PIWIL1: variants seen among roughly 807,000 people sequenced by gnomAD.
PIWIL1 encodes the protein piwi like RNA-mediated gene silencing 1, also known as piwi-like protein 1.
PIWIL1 carries 73 observed loss-of-function variants against 114.4 expected under a neutral mutation model. That is an observed-to-expected ratio of 0.64 (90% CI 0.53 to 0.78). The LOEUF is 0.78. PIWIL1 is among the 30% of genes least tolerant of loss of function. The pLI, the probability that PIWIL1 is intolerant of heterozygous loss-of-function variation, is 0.00. For synonymous variants in PIWIL1, 375 were observed against 369.0 expected, an observed-to-expected ratio of 1.02 and a Z score of -0.19; for missense variants, 723 against 1,063.1, an observed-to-expected ratio of 0.68 and a Z score of 4.45.
rs561331660 is a variant in PIWIL1, at chr12:130,363,763, G to A, written c.2195+619G>A. ...CTCCTGAGTAGCTGGGATTACAGGC[G>A]TGCACCACCACACCTGGCTAATTTA... On this transcript the variant is annotated intron_variant, in intron 18 of 20. Transcript: ENST00000245255. 4.6e-5 allele frequency among the ~76,000 whole-genome samples: 7 copies of A among 151,798 alleles called. No homozygotes were observed. In the East Asian group the frequency reaches 5.8e-4, roughly 13 times the overall value.
the PIWIL1 span, chr12:130,424,623 C>T: frequency 1.6e-6 from 2 of 1,231,928 alleles, no homozygotes; most frequent in Non-Finnish European, 2.0e-6. The surrounding 1 kb of genome is among the most constrained non-coding windows in gnomAD (Gnocchi z 9.8). Flanking sequence ...CACCGGGAAC[C>T]AGGAGCCCCG....
In PIWIL1 at chr12:130,342,623, G is replaced by A; in HGVS notation, c.32G>A (p.Gly11Glu). Residue 11 changes from glycine to glutamate, a missense_variant, in exon 2 of 21, where the codon GGA (glycine) becomes GAA (glutamate). Physicochemically the swap from Gly to Glu is moderately conservative, Grantham distance 98. Coordinates refer to ENST00000245255, the MANE Select transcript of PIWIL1 (RefSeq NM_004764.5). ...GGGAGAGCCCGAGCCAGAGCCAGAG[G>A]AAGGGCCCGCGGTCAGGAGACAGCG... MTGRARARAR[G>E]RARGQETAQL... 6.2e-7 allele frequency: 1 copy of A among 1,614,064 alleles called. No individual in the cohort carries two copies.
chr12:130,388,575 C>T, the PIWIL1 span, among the ~76,000 whole-genome samples: 24 of 152,218 alleles, frequency 1.6e-4, 1 homozygote, highest in East Asian at 4.6e-3. Context: ...TTAGGTTTTA[C>T]CATCCTCCAA....
At chr12:130,361,408 G>T (rs760845959) in intron 15 of PIWIL1, 28 bp downstream of exon 15, 4 of 1,611,524 alleles carry the variant, frequency 2.5e-6, no homozygotes, top group Non-Finnish European at 3.4e-6. Context: ...GGTAGATGCC[G>T]TTTTAAAATT....
the PIWIL1 span, among the ~76,000 whole-genome samples, chr12:130,402,184 G>A: frequency 6.6e-6 from 1 of 152,144 alleles, no homozygotes; most frequent in South Asian, 2.1e-4. Context: ...ACTTGCTCGC[G>A]GTGTGAATAC....
intron 9 of PIWIL1, among the ~76,000 whole-genome samples, chr12:130,350,641 C>G (rs555933999): frequency 3.9e-5 from 6 of 152,280 alleles, no homozygotes; most frequent in African/African-American, 1.2e-4. Context: ...GCCCCCAAAT[C>G]CTTAGAACGT....
chr12:130,353,951 T>G (rs1482353667), intron 9 of PIWIL1, among the ~76,000 whole-genome samples: 1 of 152,138 alleles, frequency 6.6e-6, no homozygotes, highest in Non-Finnish European at 1.5e-5. Context: ...AGAATGTCAT[T>G]TTTTATTGTT....
At chr12:130,348,210 T>G (rs546317489) in intron 7 of PIWIL1, 27 bp downstream of exon 7, 1 of 1,315,452 alleles carries the variant, frequency 7.6e-7, no homozygotes, top group Non-Finnish European at 1.1e-6. Context: ...ACGTTTAATA[T>G]TCCTTAGGCT....
At chr12:130,373,351 G>A (rs1159163189), downstream of PIWIL1, among the ~76,000 whole-genome samples, 1 of 152,166 alleles carries the variant, frequency 6.6e-6, no homozygotes, top group African/African-American at 2.4e-5. Context: ...TTCTTAGCAG[G>A]TCTCAGCTCT....
chr12:130,393,097 C>T, the PIWIL1 span, among the ~76,000 whole-genome samples: 3 of 115,852 alleles, frequency 2.6e-5, no homozygotes, highest in African/African-American at 1.0e-4. Flanking sequence ...ACCGTCATCA[C>T]GTGTGTCCGT....
At chr12:130,414,100 C>T in the PIWIL1 span, 1 of 1,613,030 alleles carries the variant, frequency 6.2e-7, no homozygotes, top group South Asian at 1.1e-5. Flanking sequence ...GCTGATGAAG[C>T]CGCCCGCAGG....
chr12:130,404,257 T>C, the PIWIL1 span, among the ~76,000 whole-genome samples: 2 of 152,266 alleles, frequency 1.3e-5, no homozygotes, highest in South Asian at 2.1e-4. Flanking sequence ...GAATATATGC[T>C]AGGGGGAAAA....
chr12:130,424,447 T>C, the PIWIL1 span: 9 of 1,232,236 alleles, frequency 7.3e-6, no homozygotes, highest in African/African-American at 9.3e-5. This position sits in a 1 kb window ranked among gnomAD's most constrained non-coding sequence, Gnocchi z 9.8. Flanking sequence ...GGGCCTGGGC[T>C]GCACGCGGCC....
the PIWIL1 span, chr12:130,412,483 T>C: frequency 3.6e-6 from 3 of 830,236 alleles, no homozygotes; most frequent in Middle Eastern, 3.7e-4. Flanking sequence ...GAAAAATCAC[T>C]GGTCAACATT....
intron 12 of PIWIL1, among the ~76,000 whole-genome samples, 162 bp downstream of exon 12, chr12:130,355,829 A>C (rs186785259): frequency 5.0e-4 from 76 of 152,312 alleles, no homozygotes; most frequent in Middle Eastern, 3.4e-3. Context: ...ATCACAATAA[A>C]GCAAGTGGGA....
At chr12:130,363,784 A>G (rs2136184560) in intron 18 of PIWIL1, among the ~76,000 whole-genome samples, 1 of 151,768 alleles carries the variant, frequency 6.6e-6, no homozygotes, top group East Asian at 1.9e-4. Flanking sequence ...CACCTGGCTA[A>G]TTTATGTATT....
At chr12:130,361,672 G>A in intron 16 of PIWIL1, 71 bp downstream of exon 16, 1 of 1,191,070 alleles carries the variant, frequency 8.4e-7, no homozygotes, top group Admixed American at 1.9e-5. Context: ...CAGGAGTAGT[G>A]TTCATTCTTC....
chr12:130,423,395 C>T, the PIWIL1 span, among the ~76,000 whole-genome samples: 1 of 152,184 alleles, frequency 6.6e-6, no homozygotes, highest in Non-Finnish European at 1.5e-5. Context: ...AAGCACACGG[C>T]CTCAGACCCA....
At chr12:130,345,942 G>A in intron 4 of PIWIL1, 64 bp downstream of exon 4, 1 of 1,559,480 alleles carries the variant, frequency 6.4e-7, no homozygotes, top group South Asian at 1.2e-5. Context: ...GTGAATTGAG[G>A]CACTTTAGTT....
Sources: allele counts gnomAD v4.1 joint callset (sites outside exome capture counted in the v4.1 genomes callset), GRCh38; gene constraint gnomAD v4.1.1; non-coding constraint Gnocchi (gnomAD v3.1); transcripts MANE v1.5; gene names NCBI Gene and HGNC (gene_info 2026-07-23, HGNC 2026-07-21).